Variants in DCDC1 observed in about 807,000 individuals in gnomAD.
The protein encoded by DCDC1 is doublecortin domain containing 1, also known as doublecortin domain-containing protein 1.
In DCDC1, 200 loss-of-function variants were observed where a neutral mutation model predicts 178.3. That is an observed-to-expected ratio of 1.12 (90% CI 1.00 to 1.26). DCDC1 has a LOEUF of 1.26. Among genes scored for constraint, DCDC1 ranks in the 50% most tolerant of loss-of-function variants. The pLI is 0.00. For synonymous variants in DCDC1, 690 were observed against 604.8 expected, an observed-to-expected ratio of 1.14 and a Z score of -2.07; for missense variants, 1,983 against 1,749.2, an observed-to-expected ratio of 1.13 and a Z score of -2.38.
At chr11:30,882,151 G>C (rs1942741829) in intron 36 of DCDC1, 1 of 152,316 alleles carries the variant, frequency 6.6e-6, no homozygotes, top group Non-Finnish European at 1.5e-5. Context: ...TCTGTTTATA[G>C]ATCTGTTTAG....
Position 30,946,802 on chromosome 11 carries a change from T to G in DCDC1, c.2715+5643A>C, listed in dbSNP as rs975181790. 3.3e-5 allele frequency among the ~76,000 whole-genome samples: 5 copies of G among 152,302 alleles called. No individual in the cohort carries two copies. In the East Asian group the frequency reaches 7.7e-4, roughly 24 times the overall value. ...GTGCCATTGACCTAGAAATAAAATATTACATACTAGAGATCCAGAGAGATA... is the reference window on the plus strand; with the variant it reads ...GTGCCATTGACCTAGAAATAAAATAGTACATACTAGAGATCCAGAGAGATA... On this transcript the variant is annotated intron_variant, in intron 21 of 38. Transcript: ENST00000684477.
intron 15 of DCDC1, among the ~76,000 whole-genome samples, chr11:31,098,283 A>T (rs1958281489): frequency 6.6e-6 from 1 of 152,208 alleles, no homozygotes; most frequent in Admixed American, 6.5e-5. Flanking sequence ...GATTGCCCTT[A>T]AACTGAGTCA....
chr11:30,914,756 T>C (rs183617778), intron 27 of DCDC1, among the ~76,000 whole-genome samples: 1 of 152,258 alleles, frequency 6.6e-6, no homozygotes, highest in African/African-American at 2.4e-5. Flanking sequence ...AAAATTTTTA[T>C]TTATGATAGA....
intron 8 of DCDC1, among the ~76,000 whole-genome samples, chr11:31,248,268 T>C (rs987778167): frequency 6.6e-6 from 1 of 152,012 alleles, no homozygotes; most frequent in Non-Finnish European, 1.5e-5. Flanking sequence ...CCAAATGGTA[T>C]TAAATTAGGC....
chr11:30,927,975 T>C (rs937205634), intron 22 of DCDC1, among the ~76,000 whole-genome samples: 1 of 152,170 alleles, frequency 6.6e-6, no homozygotes, highest in Non-Finnish European at 1.5e-5. Context: ...ATAAACATAA[T>C]ATACGTTAGT....
At chr11:30,902,169 G>A (rs954076688) in intron 32 of DCDC1, among the ~76,000 whole-genome samples, 1 of 152,108 alleles carries the variant, frequency 6.6e-6, no homozygotes, top group African/African-American at 2.4e-5. Flanking sequence ...ATGATATTAT[G>A]AGAGATAGAG....
At chr11:30,967,342 G>A (rs1020273570) in intron 20 of DCDC1, among the ~76,000 whole-genome samples, 1 of 151,470 alleles carries the variant, frequency 6.6e-6, no homozygotes, top group Non-Finnish European at 1.5e-5. Context: ...TGGATTCCTA[G>A]GTATTTTATT....
At chr11:31,021,133 A>G (rs1952850031) in intron 20 of DCDC1, among the ~76,000 whole-genome samples, 1 of 152,238 alleles carries the variant, frequency 6.6e-6, no homozygotes, top group African/African-American at 2.4e-5. Context: ...TTGCTGGTGA[A>G]GGTGTAAATT....
intron 3 of DCDC1, among the ~76,000 whole-genome samples, chr11:31,325,485 G>A (rs1189587570): frequency 6.6e-6 from 1 of 152,128 alleles, no homozygotes; most frequent in African/African-American, 2.4e-5. Context: ...TATAATGTTG[G>A]TGTTAGTTTT....
chr11:31,315,435 C>A (rs1378032595), intron 3 of DCDC1, among the ~76,000 whole-genome samples: 5 of 147,184 alleles, frequency 3.4e-5, no homozygotes, highest in Non-Finnish European at 7.5e-5. Flanking sequence ...CTCCCAGGTT[C>A]ACGCCATCCT....
chr11:31,179,465 T>A (rs971232296), intron 9 of DCDC1, among the ~76,000 whole-genome samples: 3 of 152,196 alleles, frequency 2.0e-5, no homozygotes, highest in Non-Finnish European at 4.4e-5. Context: ...AAATGTAGTA[T>A]GCATAAACAA....
chr11:31,294,148 CT>C (rs1947430314), intron 6 of DCDC1, among the ~76,000 whole-genome samples: 1 of 152,094 alleles, frequency 6.6e-6, no homozygotes, highest in Non-Finnish European at 1.5e-5. Flanking sequence ...GGCAGAGAAA[CT>C]GACAGTGTAA....
chr11:31,151,388 C>A (rs943652041), intron 9 of DCDC1, among the ~76,000 whole-genome samples: 4 of 152,012 alleles, frequency 2.6e-5, no homozygotes, highest in African/African-American at 9.7e-5. Flanking sequence ...AATGAGAAAA[C>A]AAATTACATT....
intron 21 of DCDC1, chr11:30,943,435 G>A (rs973511918): frequency 1.4e-5 from 4 of 280,236 alleles, no homozygotes; most frequent in Middle Eastern, 1.3e-3. Context: ...GCTTTGTTCT[G>A]TCTGGCATGG....
intron 36 of DCDC1, among the ~76,000 whole-genome samples, chr11:30,885,168 T>C (rs947917018): frequency 6.6e-6 from 1 of 151,464 alleles, no homozygotes; most frequent in Non-Finnish European, 1.5e-5. Context: ...AGTCAGTGAA[T>C]AGAGCTGAGA....
At chr11:31,089,355 T>C (rs1203791795) in intron 17 of DCDC1, among the ~76,000 whole-genome samples, 1 of 152,180 alleles carries the variant, frequency 6.6e-6, no homozygotes, top group Admixed American at 6.5e-5. Context: ...TCTCTGCTTT[T>C]AAGATTTTCT....
intron 20 of DCDC1, among the ~76,000 whole-genome samples, chr11:30,971,825 G>A (rs1424577440): frequency 6.6e-6 from 1 of 151,910 alleles, no homozygotes; most frequent in Non-Finnish European, 1.5e-5. Flanking sequence ...TAGCCACGAT[G>A]GTCTCGATCT....
chr11:31,173,335 A>G (rs1967508953), intron 9 of DCDC1, among the ~76,000 whole-genome samples: 1 of 152,222 alleles, frequency 6.6e-6, no homozygotes, highest in Non-Finnish European at 1.5e-5. Context: ...GATATTATTT[A>G]CATTGCATTT....
intron 20 of DCDC1, among the ~76,000 whole-genome samples, chr11:31,062,969 CCA>C (rs1267125847): frequency 7.6e-6 from 1 of 131,186 alleles, no homozygotes; most frequent in Non-Finnish European, 1.6e-5. Context: ...ACAACAGTCC[CCA>C]GAGTGTGATG....
Sources: gnomAD v4.1 joint callset for allele counts (sites outside exome capture counted in the v4.1 genomes callset) on GRCh38, gnomAD v4.1.1 for gene constraint, MANE v1.5 for transcripts, NCBI Gene and HGNC (gene_info 2026-07-23, HGNC 2026-07-21) for gene names.